NCOR2: variants seen among roughly 807,000 people sequenced by gnomAD.
The protein encoded by NCOR2 is nuclear receptor corepressor 2.
In NCOR2, 81 loss-of-function variants were observed where a neutral mutation model predicts 262.9. That is an observed-to-expected ratio of 0.31 (90% CI 0.26 to 0.37). The LOEUF is 0.37. Ranked by LOEUF, NCOR2 falls within the 10% of genes least tolerant of loss-of-function variation. NCOR2 has a pLI of 1.00. For synonymous variants in NCOR2, 1,659 were observed against 1,559.3 expected (o/e 1.06, Z -1.51); for missense variants, 3,385 against 3,621.4 (o/e 0.93, Z 1.68).
chr12:124,364,985 G>A lies in NCOR2; in HGVS notation c.2808-1186C>T, dbSNP rs116644841. On this transcript the variant is annotated intron_variant, in intron 20 of 46. Transcript: ENST00000405201. ...TATGGAGGTGGCCCGGCCTGCGTCT[G>A]CGGGTATGGAGGTGGCCCAGCCTAT... 4.8e-3 allele frequency among the ~76,000 whole-genome samples: 731 copies of A among 151,984 alleles called. 4 individuals are homozygous for A. The highest frequency in any genetic ancestry group is 0.017 in the African/African-American group (693 of 41,422).
At chr12:124,505,659 A>G (rs545995460) in intron 1 of NCOR2, among the ~76,000 whole-genome samples, 1 of 152,136 alleles carries the variant, frequency 6.6e-6, no homozygotes, top group Non-Finnish European at 1.5e-5. Context: ...TCACTTGGAA[A>G]GATTCACTGG....
intron 5 of NCOR2, among the ~76,000 whole-genome samples, chr12:124,463,585 A>G (rs2046282421): frequency 6.6e-6 from 1 of 152,176 alleles, no homozygotes; most frequent in South Asian, 2.1e-4. Flanking sequence ...AGCACTCAGA[A>G]CTGCCAGGCG....
chr12:124,455,875 TTC>T (rs1246146267), intron 6 of NCOR2, among the ~76,000 whole-genome samples: 3 of 152,180 alleles, frequency 2.0e-5, no homozygotes, highest in African/African-American at 7.2e-5. Flanking sequence ...GGTGTCAGAC[TTC>T]TGTTTCGTTT....
At chr12:124,344,112 C>T (rs535043379) in intron 32 of NCOR2, among the ~76,000 whole-genome samples, 11 of 152,102 alleles carry the variant, frequency 7.2e-5, no homozygotes, top group Non-Finnish European at 1.5e-4. Flanking sequence ...AGGCCCCCAG[C>T]AAATACTGAA....
rs1375147975 is a variant in NCOR2, at chr12:124,389,188, A to C, written c.1877-3301T>G. 6.6e-6 allele frequency among the ~76,000 whole-genome samples: 1 copy of C among 152,262 alleles called. No individual in the cohort carries two copies. The highest frequency in any genetic ancestry group is 1.5e-5 in the Non-Finnish European group (1 of 68,044). ...TGCCCAGTGCGGACGCTCAGCGAGC[A>C]ATGCCGGCCAGAGCCCACAGACCCC... On this transcript the variant is annotated intron_variant, in intron 16 of 46. Coordinates refer to ENST00000405201, the Ensembl canonical transcript of NCOR2. This position sits in a 1 kb window ranked among gnomAD's most constrained non-coding sequence, Gnocchi z 4.4.
intron 18 of NCOR2, among the ~76,000 whole-genome samples, chr12:124,376,785 G>A (rs995976823): frequency 3.9e-5 from 6 of 152,220 alleles, no homozygotes; most frequent in African/African-American, 7.2e-5. Flanking sequence ...AAGCCAGGGC[G>A]TTCAAAGGCA....
chr12:124,474,028 G>A (rs550759600), intron 3 of NCOR2, among the ~76,000 whole-genome samples: 1 of 152,270 alleles, frequency 6.6e-6, no homozygotes, highest in African/African-American at 2.4e-5. Context: ...CTCTCCTCAA[G>A]TTGTGAAGTC....
intron 20 of NCOR2, among the ~76,000 whole-genome samples, chr12:124,371,342 G>A (rs569924957): frequency 6.2e-4 from 94 of 152,290 alleles, no homozygotes; most frequent in African/African-American, 2.2e-3. Flanking sequence ...TGTCCCCCCA[G>A]AGAAGGTACA....
At chr12:124,431,854 T>C (rs1040870446) in intron 8 of NCOR2, among the ~76,000 whole-genome samples, 1 of 146,560 alleles carries the variant, frequency 6.8e-6, no homozygotes, top group African/African-American at 2.6e-5. Flanking sequence ...GACAGTCATA[T>C]AGGCAGATAC....
chr12:124,520,424 T>A (rs190198348), intron 1 of NCOR2, among the ~76,000 whole-genome samples: 1 of 152,144 alleles, frequency 6.6e-6, no homozygotes, highest in East Asian at 1.9e-4. Context: ...TTCTGTTCAT[T>A]TTTGTTTGTT....
chr12:124,427,346 C>T (rs538779321), intron 10 of NCOR2, among the ~76,000 whole-genome samples: 4 of 152,180 alleles, frequency 2.6e-5, no homozygotes, highest in Non-Finnish European at 5.9e-5. Flanking sequence ...TGGGATCTGG[C>T]CTGCCCAGCC....
chr12:124,358,148 T>C (rs947769038), intron 22 of NCOR2, among the ~76,000 whole-genome samples: 1 of 141,400 alleles, frequency 7.1e-6, no homozygotes, highest in Admixed American at 6.9e-5. Context: ...TGTGCATGGA[T>C]GTGTGTGTGT....
At chr12:124,475,083 C>A (rs1337629790) in intron 3 of NCOR2, among the ~76,000 whole-genome samples, 2 of 152,170 alleles carry the variant, frequency 1.3e-5, no homozygotes, top group African/African-American at 4.8e-5. Context: ...GGCCAAGAGT[C>A]TTGGAGTCAC....
chr12:124,388,602 G>A (rs1216655581), intron 16 of NCOR2: 1 of 1,273,152 alleles, frequency 7.9e-7, no homozygotes. Context: ...CAGCTGCCCA[G>A]CCTCAAATCC....
At chr12:124,480,213 G>A (rs1248721042) in intron 3 of NCOR2, among the ~76,000 whole-genome samples, 3 of 152,162 alleles carry the variant, frequency 2.0e-5, no homozygotes, top group East Asian at 1.9e-4. Context: ...CCCTACTCCC[G>A]CTGCAGGAGG....
In NCOR2 at chr12:124,466,306, G is replaced by A. The variant is rs750937339; in HGVS notation, c.592-20C>T. ...CTGTTGCTGTGGGGAGAGGCAGAAC[G>A]TGAGGGATGAGCACCCCAGCGGGCG... On this transcript the variant is annotated intron_variant, in intron 4 of 46. Transcript: ENST00000405201. The A allele has an allele frequency of 1.3e-5, 21 of 1,597,490 alleles. No homozygotes were observed. In the Middle Eastern group the frequency reaches 5.0e-4, roughly 38 times the overall value.
chr12:124,348,441 C>G (rs992278608), intron 28 of NCOR2, 127 bp from the exon 31 acceptor site: 3 of 1,317,402 alleles, frequency 2.3e-6, no homozygotes, highest in Non-Finnish European at 3.0e-6. Context: ...GTCACAAAGC[C>G]TCACAGCCGA....
intron 27 of NCOR2, among the ~76,000 whole-genome samples, chr12:124,352,746 C>T (rs570421557): frequency 9.8e-5 from 15 of 152,310 alleles, no homozygotes; most frequent in African/African-American, 3.6e-4. Context: ...AGCCGGTGGC[C>T]CCTGCTCTTG....
intron 17 of NCOR2, among the ~76,000 whole-genome samples, chr12:124,384,317 C>T (rs1057057985): frequency 9.9e-5 from 15 of 152,202 alleles, no homozygotes; most frequent in African/African-American, 2.4e-4. Context: ...CAGCCAGATG[C>T]GGTGCCTTCC....
Sources: allele counts gnomAD v4.1 joint callset (sites outside exome capture counted in the v4.1 genomes callset), GRCh38; gene constraint gnomAD v4.1.1; non-coding constraint Gnocchi (gnomAD v3.1); transcripts MANE v1.5; gene names NCBI Gene and HGNC (gene_info 2026-07-23, HGNC 2026-07-21).